ZNF385D: variants seen among roughly 807,000 people sequenced by gnomAD.
ZNF385D encodes zinc finger protein 659.
Under a neutral mutation model 35.8 loss-of-function variants are expected in ZNF385D, and 15 were observed. The ratio of observed to expected loss-of-function variants is 0.42; its 90% CI spans 0.28 to 0.64. The LOEUF (loss-of-function observed/expected upper bound fraction) is 0.64, where lower values mean the gene tolerates loss of function less well. Ranked by LOEUF, ZNF385D falls within the 30% of genes least tolerant of loss-of-function variation. The probability of loss-of-function intolerance (pLI) is 0.23; values close to 1 mark genes in which losing one functional copy is unlikely to be tolerated. For synonymous variants in ZNF385D, 212 were observed against 186.8 expected (o/e 1.13, Z -1.10); for missense variants, 474 against 494.6 (o/e 0.96, Z 0.39).
chr3:22,333,235 C>A (rs1338616623), intron 2 of ZNF385D, among the ~76,000 whole-genome samples: 2 of 152,124 alleles, frequency 1.3e-5, no homozygotes, highest in East Asian at 3.8e-4. Context: ...TTTTTCTCAG[C>A]CGCTGGCTTT....
intron 2 of ZNF385D, among the ~76,000 whole-genome samples, chr3:22,315,702 C>G (rs1456120322): frequency 1.3e-5 from 2 of 152,180 alleles, no homozygotes; most frequent in Admixed American, 1.3e-4. Flanking sequence ...TGGCTGACTC[C>G]ATCTTGCCTC....
chr3:22,071,064 A>C (rs1002049295), intron 3 of ZNF385D, among the ~76,000 whole-genome samples: 6 of 152,152 alleles, frequency 3.9e-5, no homozygotes, highest in African/African-American at 1.4e-4. Context: ...AACACTTTGA[A>C]ATAGAAAGGT....
At chr3:21,936,381 G>A (rs1701258502) in intron 3 of ZNF385D, among the ~76,000 whole-genome samples, 1 of 132,678 alleles carries the variant, frequency 7.5e-6, no homozygotes, top group African/African-American at 2.6e-5. Context: ...TATTAGCTGA[G>A]ATGTGTAACA....
rs541764121 is a variant in ZNF385D, at chr3:21,769,622, G to A, written c.326-104594C>T. 1.6e-3 allele frequency among the ~76,000 whole-genome samples: 170 copies of A among 109,216 alleles called. 4 individuals carry two copies. The highest frequency in any genetic ancestry group is 6.0e-3 in the African/African-American group (152 of 25,376). 71.6% of individuals were successfully genotyped at this position (109,216 alleles called of 152,430 possible). A position where few individuals can be genotyped will look rare whatever the true frequency, so the allele number is the denominator to read the frequency against. On this transcript the variant is annotated intron_variant, in intron 3 of 5. Transcript: ENST00000494108. ...AAATGGAAGAACATTCCATGCTCAT[G>A]GATAGGAAGAATCAATATCATGAAA...
chr3:22,357,203 C>T (rs1696194299), intron 2 of ZNF385D, among the ~76,000 whole-genome samples: 1 of 151,778 alleles, frequency 6.6e-6, no homozygotes, highest in African/African-American at 2.4e-5. Flanking sequence ...TCCAAGTGAA[C>T]TTGAATTGTT....
chr3:22,105,993 T>C (rs1181794101), intron 3 of ZNF385D, among the ~76,000 whole-genome samples: 1 of 152,178 alleles, frequency 6.6e-6, no homozygotes, highest in East Asian at 1.9e-4. Flanking sequence ...ATTACTTTAA[T>C]CATAAATAAG....
At chr3:21,871,919 C>G (rs569458089) in intron 3 of ZNF385D, among the ~76,000 whole-genome samples, 1 of 152,092 alleles carries the variant, frequency 6.6e-6, no homozygotes, top group East Asian at 1.9e-4. Context: ...ATCACTTGAA[C>G]CCAGGAGGTG....
chr3:22,294,549 G>A (rs1179327887), intron 2 of ZNF385D, among the ~76,000 whole-genome samples: 1 of 151,978 alleles, frequency 6.6e-6, no homozygotes. Context: ...TGGCTAAATG[G>A]ATATATTGAT....
intron 2 of ZNF385D, among the ~76,000 whole-genome samples, chr3:22,219,103 T>A (rs545453618): frequency 6.6e-6 from 1 of 152,266 alleles, no homozygotes; most frequent in Admixed American, 6.5e-5. Flanking sequence ...ATGGTGACGA[T>A]CTGTTACTTT....
At chr3:21,748,135 C>G (rs1288681143) in intron 1 of ZNF385D, among the ~76,000 whole-genome samples, 1 of 152,024 alleles carries the variant, frequency 6.6e-6, no homozygotes, top group East Asian at 1.9e-4. Flanking sequence ...TACAAATGAA[C>G]GATTATTGAA....
intron 3 of ZNF385D, among the ~76,000 whole-genome samples, chr3:21,925,953 G>C (rs1031214729): frequency 6.6e-6 from 1 of 152,028 alleles, no homozygotes; most frequent in Non-Finnish European, 1.5e-5. Context: ...TATCAGAATG[G>C]CTAAGTAAAA....
chr3:22,154,725 T>G (rs1705476234), intron 3 of ZNF385D, among the ~76,000 whole-genome samples: 1 of 152,156 alleles, frequency 6.6e-6, no homozygotes, highest in South Asian at 2.1e-4. Context: ...TTTTAACATC[T>G]TCCCAAATCA....
At chr3:21,482,892 T>C (rs1268729896) in intron 4 of ZNF385D, among the ~76,000 whole-genome samples, 1 of 152,150 alleles carries the variant, frequency 6.6e-6, no homozygotes, top group Non-Finnish European at 1.5e-5. Context: ...AGAGAATTTC[T>C]GTGTAGTATT....
At chr3:22,050,649 C>A (rs150613808) in intron 3 of ZNF385D, among the ~76,000 whole-genome samples, 1 of 152,056 alleles carries the variant, frequency 6.6e-6, no homozygotes, top group Non-Finnish European at 1.5e-5. Context: ...ATTGAATTGA[C>A]CAAAGGCCAC....
Position 21,670,270 on chromosome 3 carries a change from ATATATGCACTTATT to A in ZNF385D, c.23-5256_23-5243del, listed in dbSNP as rs148322391. ...TATATATACTTATTTATATTAAAATATATATGCACTTATTTATATTGACATAAATACTTATGTTG... is the reference window on the plus strand; with the variant it reads ...TATATATACTTATTTATATTAAAATATATATTGACATAAATACTTATGTTG... On this transcript the variant is annotated intron_variant, in intron 1 of 7. Coordinates refer to ENST00000281523, the MANE Select transcript of ZNF385D (RefSeq NM_024697.3). 3.0e-4 allele frequency among the ~76,000 whole-genome samples: 45 copies of A among 151,914 alleles called. No individual in the cohort carries two copies. In the East Asian group the frequency reaches 8.5e-3, roughly 29 times the overall value.
chr3:22,132,001 G>A (rs1229018984), intron 3 of ZNF385D, among the ~76,000 whole-genome samples: 2 of 152,172 alleles, frequency 1.3e-5, no homozygotes, highest in Non-Finnish European at 2.9e-5. Flanking sequence ...GTGCAGGCCT[G>A]AAGTAGGAGA....
chr3:22,058,950 A>G (rs779159), intron 3 of ZNF385D, among the ~76,000 whole-genome samples: 57,062 of 151,986 alleles, frequency 0.38, 10,819 homozygotes, highest in Middle Eastern at 0.45. Flanking sequence ...AGGAATATTT[A>G]CTAGCTAAGA....
chr3:21,563,523 T>G (rs1005661580), intron 3 of ZNF385D, among the ~76,000 whole-genome samples: 5 of 152,226 alleles, frequency 3.3e-5, no homozygotes, highest in Non-Finnish European at 5.9e-5. Flanking sequence ...CAAAGAGGAA[T>G]AAACTATTTT....
chr3:22,328,265 T>G (rs1275933837), intron 2 of ZNF385D, among the ~76,000 whole-genome samples: 1 of 152,066 alleles, frequency 6.6e-6, no homozygotes, highest in Non-Finnish European at 1.5e-5. Flanking sequence ...TGGAGTCCTT[T>G]TTTTCTCCCC....
Sources: allele counts gnomAD v4.1 joint callset (sites outside exome capture counted in the v4.1 genomes callset), GRCh38; gene constraint gnomAD v4.1.1; transcripts MANE v1.5; gene names NCBI Gene and HGNC (gene_info 2026-07-23, HGNC 2026-07-21).